Variants in KITLG observed in about 807,000 individuals in gnomAD.
KITLG encodes c-Kit ligand.
A neutral mutation model predicts 34.1 loss-of-function variants in KITLG; 13 were observed. The ratio of observed to expected loss-of-function variants is 0.38; its 90% CI spans 0.25 to 0.61. The LOEUF (loss-of-function observed/expected upper bound fraction) is 0.61, where lower values mean the gene tolerates loss of function less well. Among genes scored for constraint, KITLG ranks in the 20% least tolerant of loss-of-function variants. The pLI, the probability that KITLG is intolerant of heterozygous loss-of-function variation, is 0.60. For missense variants in KITLG, 292 were observed against 318.9 expected (o/e 0.92, Z 0.64); for synonymous variants, 110 against 104.0 (o/e 1.06, Z -0.35).
Position 88,515,518 on chromosome 12 carries a change from A to G in KITLG, c.604+16T>C. 1 of 1,549,106 alleles carries G rather than the reference A, an allele frequency of 6.5e-7. No homozygotes were observed. The highest frequency in any genetic ancestry group is 1.1e-5 in the South Asian group (1 of 89,676). ...ATTGGAGCCATGCATGCATTAAATCAGATATATGTACTTACTATTACTGCT... is the reference window on the plus strand; with the variant it reads ...ATTGGAGCCATGCATGCATTAAATCGGATATATGTACTTACTATTACTGCT... On this transcript the variant is annotated intron_variant, in intron 6 of 9. Coordinates refer to ENST00000644744, the MANE Select transcript of KITLG (RefSeq NM_000899.5).
At chr12:88,577,318 A>G (rs1030037981) in intron 1 of KITLG, among the ~76,000 whole-genome samples, 2 of 152,082 alleles carry the variant, frequency 1.3e-5, no homozygotes, top group African/African-American at 4.8e-5. Flanking sequence ...CCTTTTTTAC[A>G]TTGTTTGCAA....
chr12:88,530,243 A>T (rs79553808), intron 3 of KITLG, among the ~76,000 whole-genome samples: 12,845 of 152,146 alleles, frequency 0.084, 571 homozygotes, highest in Non-Finnish European at 0.1. Context: ...TTGTAATTAT[A>T]TAGATCCTCA....
intron 2 of KITLG, among the ~76,000 whole-genome samples, chr12:88,533,521 T>C (rs1453829186): frequency 1.3e-5 from 2 of 152,200 alleles, no homozygotes; most frequent in African/African-American, 2.4e-5. Flanking sequence ...AACTTTGCTG[T>C]CCGCAACCTT....
chr12:88,547,663 T>G (rs1053516391), intron 1 of KITLG, among the ~76,000 whole-genome samples: 5 of 152,210 alleles, frequency 3.3e-5, no homozygotes, highest in Admixed American at 1.3e-4. Flanking sequence ...AACCCCTCTT[T>G]CTGATGTGAT....
At chr12:88,567,842 A>G (rs1201722787) in intron 1 of KITLG, among the ~76,000 whole-genome samples, 2 of 152,188 alleles carry the variant, frequency 1.3e-5, no homozygotes, top group African/African-American at 2.4e-5. Flanking sequence ...CAAGTGAGAA[A>G]ATCAGAATGT....
intron 2 of KITLG, among the ~76,000 whole-genome samples, chr12:88,539,002 T>C (rs1432155958): frequency 6.6e-6 from 1 of 152,144 alleles, no homozygotes; most frequent in African/African-American, 2.4e-5. Context: ...AGAACAGCAT[T>C]TGGAAATGCT....
chr12:88,552,386 C>T (rs928099734), intron 1 of KITLG, among the ~76,000 whole-genome samples: 1 of 150,340 alleles, frequency 6.7e-6, no homozygotes, highest in African/African-American at 2.5e-5. Flanking sequence ...GACAGAGTTT[C>T]ACCATGTTGG....
At chr12:88,519,785 G>C (rs955403251) in intron 3 of KITLG, among the ~76,000 whole-genome samples, 2 of 151,926 alleles carry the variant, frequency 1.3e-5, no homozygotes, top group African/African-American at 4.8e-5. Context: ...TACCAAGTGT[G>C]GCTAATTTTT....
rs948941612 is a variant in KITLG at position 88,492,796 on chromosome 12, G to C, written c.*4423C>G. On this transcript the variant is annotated 3_prime_UTR_variant, in exon 10 of 10. Transcript: ENST00000644744. ...ATAAAATGACAGGGTAAATTTATGAGAGTGCATAAAATTCTTTATTTAGAA... is the reference window on the plus strand; with the variant it reads ...ATAAAATGACAGGGTAAATTTATGACAGTGCATAAAATTCTTTATTTAGAA... The C allele has an allele frequency of 1.3e-5, 2 of 152,218 alleles. No homozygotes were observed. The highest frequency in any genetic ancestry group is 4.8e-5 in the African/African-American group (2 of 41,362). The allele number at this position is 152,218 out of a possible 1,614,324, so 9.4% of individuals were successfully genotyped here.
intron 6 of KITLG, among the ~76,000 whole-genome samples, chr12:88,513,328 T>C (rs1305563256): frequency 1.3e-5 from 2 of 149,842 alleles, no homozygotes; most frequent in Admixed American, 1.3e-4. Context: ...AAAAAAATAA[T>C]TAACCAAAAA....
rs925819585 is a variant in KITLG, at chr12:88,494,356, T to C, written c.*2863A>G. ...TGAGTTTTTCTCTTTATTTATAACT[T>C]TAGTTGAATTAGAGTAGGAAAACGT... On this transcript the variant is annotated 3_prime_UTR_variant, in exon 10 of 10. Transcript: ENST00000644744. 2.6e-5 allele frequency: 4 copies of C among 152,138 alleles called. No homozygotes were observed. Among genetic ancestry groups the C allele is most frequent in the Admixed American group, 6.6e-5 (1 of 15,220 alleles). The allele number at this position is 152,138 out of a possible 1,614,324, so 9.4% of individuals were successfully genotyped here.
rs911155455 is a variant in KITLG, at chr12:88,502,469, GTCAC to G, written c.*37+2686_*37+2689del. Reference sequence around the variant, plus strand: ...TGCTTAAACTTTCATTTAGGGCTGAGTCACTCACTCAGTCTCTCATTCAACAAAC... The same window carrying G: ...TGCTTAAACTTTCATTTAGGGCTGAGTCACTCAGTCTCTCATTCAACAAAC... On this transcript the variant is annotated intron_variant, in intron 9 of 9. Coordinates refer to ENST00000644744, the MANE Select transcript of KITLG (RefSeq NM_000899.5). 3.9e-5 allele frequency among the ~76,000 whole-genome samples: 6 copies of G among 152,126 alleles called. No individual in the cohort carries two copies. In the South Asian group the frequency reaches 8.3e-4, roughly 21 times the overall value.
chr12:88,555,708 A>G (rs577049507), intron 1 of KITLG, among the ~76,000 whole-genome samples: 1 of 152,306 alleles, frequency 6.6e-6, no homozygotes, highest in Admixed American at 6.5e-5. Context: ...AGCTAGAGGG[A>G]GGGGAGAAAC....
At chr12:88,514,071 A>T (rs572001034) in intron 6 of KITLG, among the ~76,000 whole-genome samples, 3 of 151,798 alleles carry the variant, frequency 2.0e-5, no homozygotes, top group African/African-American at 7.2e-5. Context: ...GACATCAAAC[A>T]ACGCACTTTT....
At chr12:88,516,570 C>G in intron 4 of KITLG, 80 bp from the exon 5 acceptor site, 2 of 894,750 alleles carry the variant, frequency 2.2e-6, no homozygotes, top group Non-Finnish European at 3.4e-6. Context: ...ATAAATATGT[C>G]TCTCAAAGAT....
chr12:88,548,997 C>T (rs573140811), intron 1 of KITLG, among the ~76,000 whole-genome samples: 2 of 152,244 alleles, frequency 1.3e-5, no homozygotes, highest in Non-Finnish European at 2.9e-5. Flanking sequence ...ATTAAGAAGA[C>T]AAAATTTCAC....
Position 88,493,245 on chromosome 12 carries a change from T to C in KITLG, c.*3974A>G, listed in dbSNP as rs1868476737. On this transcript the variant is annotated 3_prime_UTR_variant, in exon 10 of 10. Transcript: ENST00000644744. The stretch of plus-strand genomic sequence containing the variant: ...ACGGTGTGGTTTTTAGTTTAACAGT[T>C]GTTTTAATTTTATTGTTAAAAACAT... The C allele has an allele frequency of 6.6e-6, 1 of 152,368 alleles. No homozygotes were observed. Among genetic ancestry groups the C allele is most frequent in the African/African-American group, 2.4e-5 (1 of 41,416 alleles). 9.4% of individuals were successfully genotyped at this position (152,368 alleles called of 1,614,324 possible). A position where few individuals can be genotyped will look rare whatever the true frequency, so the allele number is the denominator to read the frequency against.
intron 2 of KITLG, among the ~76,000 whole-genome samples, chr12:88,539,428 G>A (rs772061020): frequency 2.0e-5 from 3 of 152,004 alleles, no homozygotes; most frequent in South Asian, 2.1e-4. Flanking sequence ...TTCTATCATC[G>A]TTCACTCAGG....
chr12:88,505,324 T>C (rs1869017962), intron 8 of KITLG, 89 bp from the exon 9 acceptor site: 2 of 1,009,420 alleles, frequency 2.0e-6, no homozygotes, highest in Non-Finnish European at 3.1e-6. Context: ...AGGCAGCTTT[T>C]CTGTAAATAT....
Sources: gnomAD v4.1 joint callset for allele counts (sites outside exome capture counted in the v4.1 genomes callset) on GRCh38, gnomAD v4.1.1 for gene constraint, MANE v1.5 for transcripts, NCBI Gene and HGNC (gene_info 2026-07-23, HGNC 2026-07-21) for gene names.